SLC35F4: variants seen among roughly 807,000 people sequenced by gnomAD.
The protein encoded by SLC35F4 is solute carrier family 35 member F4, also known as chromosome 14 open reading frame 36.
Under a neutral mutation model 44.2 loss-of-function variants are expected in SLC35F4, and 24 were observed. The ratio of observed to expected loss-of-function variants is 0.54; its 90% CI spans 0.39 to 0.76. The LOEUF (loss-of-function observed/expected upper bound fraction) is 0.76. Ranked by LOEUF, SLC35F4 falls within the 30% of genes least tolerant of loss-of-function variation. The pLI, the probability that SLC35F4 is intolerant of heterozygous loss-of-function variation, is 0.00. For missense variants in SLC35F4, 562 were observed against 586.1 expected, an observed-to-expected ratio of 0.96 and a Z score of 0.42; for synonymous variants, 238 against 223.6, an observed-to-expected ratio of 1.06 and a Z score of -0.57.
At chr14:57,893,202 G>A (rs930477178) in intron 1 of SLC35F4, among the ~76,000 whole-genome samples, 1 of 152,116 alleles carries the variant, frequency 6.6e-6, no homozygotes, top group Non-Finnish European at 1.5e-5. Flanking sequence ...GAAAAACATA[G>A]AAGCAGCAAA....
At chr14:57,756,500 G>C (rs1048692538) in intron 1 of SLC35F4, among the ~76,000 whole-genome samples, 1 of 151,710 alleles carries the variant, frequency 6.6e-6, no homozygotes, top group Non-Finnish European at 1.5e-5. Flanking sequence ...GCTAGGATAT[G>C]GTCTATCTTG....
intron 1 of SLC35F4, among the ~76,000 whole-genome samples, chr14:57,782,819 A>G (rs949241630): frequency 1.1e-4 from 17 of 152,332 alleles, no homozygotes; most frequent in African/African-American, 3.8e-4. Context: ...AGAACCATAT[A>G]AAGTGCCACT....
chr14:57,913,965 T>C (rs1889266594), intron 1 of SLC35F4, among the ~76,000 whole-genome samples: 1 of 152,232 alleles, frequency 6.6e-6, no homozygotes, highest in Non-Finnish European at 1.5e-5. Flanking sequence ...TCTAGGTTGT[T>C]GGATATTTTC....
In SLC35F4 at chr14:57,957,403, G is replaced by A. The variant is rs140018540; in HGVS notation, n.282+24510C>T. Reference sequence around the variant, plus strand: ...GTATAACTAGGTAACAAAACTGCACGTTCTGCACACGTACCCCAGAACTTA... The same window carrying A: ...GTATAACTAGGTAACAAAACTGCACATTCTGCACACGTACCCCAGAACTTA... On this transcript the variant is annotated intron_variant and non_coding_transcript_variant, in intron 1 of 1. Transcript: ENST00000556568. Among the ~76,000 whole-genome samples, 8 of 149,726 alleles carry A rather than the reference G, an allele frequency of 5.3e-5. No individual in the cohort carries two copies. The South Asian group carries it at 1.3e-3, about 24-fold the overall frequency.
intron 1 of SLC35F4, among the ~76,000 whole-genome samples, chr14:57,841,633 C>T (rs981977694): frequency 1.3e-5 from 2 of 152,002 alleles, no homozygotes; most frequent in Non-Finnish European, 2.9e-5. Context: ...ATTCCAGTGC[C>T]CTAAAGGTAG....
rs1480595567 is a variant in SLC35F4 at position 57,699,870 on chromosome 14, ACTTTC to A, written c.104-105751_104-105747del. ...TTCTAAAATACAAATTCCAAGATTA[ACTTTC>A]CTTTGAGTTGAGAGTCCATGGGATT... On this transcript the variant is annotated intron_variant, in intron 1 of 7. Coordinates refer to ENST00000556826, the MANE Select transcript of SLC35F4 (RefSeq NM_001306087.2). 7.9e-5 allele frequency among the ~76,000 whole-genome samples: 12 copies of A among 152,288 alleles called. No homozygotes were observed. In the South Asian group the frequency reaches 2.5e-3, roughly 32 times the overall value.
intron 1 of SLC35F4, among the ~76,000 whole-genome samples, chr14:57,890,572 A>G (rs1168998743): frequency 2.0e-5 from 3 of 152,026 alleles, no homozygotes; most frequent in East Asian, 3.9e-4. Context: ...AGCTTCCTCT[A>G]TCAATATTCT....
intron 1 of SLC35F4, among the ~76,000 whole-genome samples, chr14:57,966,874 G>A (rs1353333357): frequency 6.6e-6 from 1 of 152,122 alleles, no homozygotes; most frequent in Non-Finnish European, 1.5e-5. Context: ...GCCGGGCATG[G>A]TGGCACATGC....
intron 1 of SLC35F4, among the ~76,000 whole-genome samples, chr14:57,763,840 C>T (rs1213454990): frequency 2.6e-5 from 4 of 152,222 alleles, no homozygotes; most frequent in East Asian, 1.9e-4. Context: ...TACACCCTTG[C>T]CAAGAAGTGT....
At chr14:57,910,421 T>C (rs1889195347) in intron 1 of SLC35F4, among the ~76,000 whole-genome samples, 1 of 152,096 alleles carries the variant, frequency 6.6e-6, no homozygotes, top group Non-Finnish European at 1.5e-5. Flanking sequence ...TCTGGGAGTT[T>C]TATATTTTTG....
intron 1 of SLC35F4, among the ~76,000 whole-genome samples, chr14:57,911,681 A>C (rs1418970158): frequency 6.6e-6 from 1 of 151,940 alleles, no homozygotes. Flanking sequence ...TGTTAGATTC[A>C]ATTTGCTATT....
intron 1 of SLC35F4, among the ~76,000 whole-genome samples, chr14:57,944,466 G>A (rs991392846): frequency 6.6e-6 from 1 of 151,946 alleles, no homozygotes; most frequent in African/African-American, 2.4e-5. Flanking sequence ...CACCCTCACT[G>A]TTTACATTTC....
intron 1 of SLC35F4, among the ~76,000 whole-genome samples, chr14:57,888,466 G>C (rs2141037350): frequency 6.6e-6 from 1 of 152,252 alleles, no homozygotes; most frequent in East Asian, 1.9e-4. Context: ...CTTTGCAAAA[G>C]GGTAATAACA....
chr14:57,583,310 G>GCCGTGT (rs932509000), intron 3 of SLC35F4, among the ~76,000 whole-genome samples: 1 of 152,176 alleles, frequency 6.6e-6, no homozygotes, highest in Non-Finnish European at 1.5e-5. Context: ...TGAGAAAGCT[G>GCCGTGT]CCGTGTAGAG....
chr14:57,733,819 A>C (rs1814045350), intron 1 of SLC35F4, among the ~76,000 whole-genome samples: 1 of 137,504 alleles, frequency 7.3e-6, no homozygotes, highest in South Asian at 2.5e-4. Context: ...AGCAAGCTCA[A>C]TGTGTTATAA....
At chr14:57,706,863 T>G (rs2075689499) in intron 1 of SLC35F4, among the ~76,000 whole-genome samples, 1 of 152,202 alleles carries the variant, frequency 6.6e-6, no homozygotes, top group African/African-American at 2.4e-5. Flanking sequence ...GAATTTTCTC[T>G]TAAGGCCAAT....
chr14:57,941,318 T>C (rs1003015572), intron 1 of SLC35F4, among the ~76,000 whole-genome samples: 7 of 152,282 alleles, frequency 4.6e-5, no homozygotes, highest in Admixed American at 3.9e-4. Context: ...GGCTAAATTA[T>C]GGCATGTAAA....
At position 57,780,654 on chromosome 14, in the gene SLC35F4, CAA is replaced by C. The variant is rs1294176789; in HGVS notation, c.103+85067_103+85068del. ...AGGCAAAAGAACAAAAAGAACAAAACAAGAGCCATCACACTACTTGACTTGAA... is the reference window on the plus strand; with the variant it reads ...AGGCAAAAGAACAAAAAGAACAAAACGAGCCATCACACTACTTGACTTGAA... On this transcript the variant is annotated intron_variant, in intron 1 of 7. Transcript: ENST00000556826. Among the ~76,000 whole-genome samples the C allele has an allele frequency of 2.6e-5, 4 of 152,108 alleles. No homozygotes were observed. The East Asian group carries it at 7.7e-4, about 29-fold the overall frequency.
intron 1 of SLC35F4, among the ~76,000 whole-genome samples, chr14:57,819,035 C>T (rs1381884068): frequency 6.6e-6 from 1 of 152,102 alleles, no homozygotes; most frequent in Non-Finnish European, 1.5e-5. Flanking sequence ...CTAACCAATA[C>T]ATTAAATTTA....
Sources: gnomAD v4.1 joint callset for allele counts (sites outside exome capture counted in the v4.1 genomes callset) on GRCh38, gnomAD v4.1.1 for gene constraint, MANE v1.5 for transcripts, NCBI Gene and HGNC (gene_info 2026-07-23, HGNC 2026-07-21) for gene names.